NAAA: variants seen among roughly 807,000 people sequenced by gnomAD.
NAAA encodes N-acylethanolamine acid amidase.
Under a neutral mutation model 44.8 loss-of-function variants are expected in NAAA, and 39 were observed. That is an observed-to-expected ratio of 0.87 (90% confidence interval 0.67 to 1.14). The LOEUF is 1.14. Ranked by LOEUF, NAAA falls within the 50% of genes most tolerant of loss-of-function variation. The pLI is 0.00. For synonymous variants in NAAA, 178 were observed against 191.3 expected (o/e 0.93, Z 0.58); for missense variants, 460 against 467.8 (o/e 0.98, Z 0.15).
At chr4:75,930,535 A>G in intron 4 of NAAA, 1 of 514,988 alleles carries the variant, frequency 1.9e-6, no homozygotes, top group Non-Finnish European at 3.9e-6. Flanking sequence ...TGCTTTACAA[A>G]TGTGGCTTGT....
intron 9 of NAAA, among the ~76,000 whole-genome samples, chr4:75,918,151 G>A (rs1725802353): frequency 6.6e-6 from 1 of 152,124 alleles, no homozygotes; most frequent in Non-Finnish European, 1.5e-5. Context: ...GGCCAAGTTT[G>A]AATTTAAGAT....
chr4:75,940,283 CCA>C, intron 1 of NAAA, 118 bp from the exon 2 acceptor site: 1 of 1,128,014 alleles, frequency 8.9e-7, no homozygotes, highest in Non-Finnish European at 1.2e-6. Context: ...CCACTGCTCC[CCA>C]GTCAGTGGAC....
intron 5 of NAAA, among the ~76,000 whole-genome samples, chr4:75,924,485 G>C (rs574883372): frequency 6.6e-6 from 1 of 152,200 alleles, no homozygotes; most frequent in Non-Finnish European, 1.5e-5. Context: ...TTGACTGTGG[G>C]TAACAGAAAC....
At chr4:75,910,879 G>T (rs532983745), downstream of NAAA, among the ~76,000 whole-genome samples, 11 of 152,296 alleles carry the variant, frequency 7.2e-5, no homozygotes, top group East Asian at 2.1e-3. Flanking sequence ...AATCACCTGG[G>T]TGCACGTGGG....
chr4:75,917,236 G>T, intron 9 of NAAA: 1 of 253,576 alleles, frequency 3.9e-6, no homozygotes, highest in Non-Finnish European at 6.2e-6. Flanking sequence ...CCTACAGTCT[G>T]GTGAGGGCCA....
At position 75,936,182 on chromosome 4, in the gene NAAA, CG is replaced by C; in HGVS notation, c.424del (p.Arg142GlyfsTer14). On this transcript the variant is annotated frameshift_variant, in exon 3 of 11. Transcript: ENST00000286733. LOFTEE classifies it high-confidence loss of function. ...QDSRGHIYHG[R>X]NLDYPFGNVL... Reference sequence around the variant, plus strand: ...ATTCCCAAAAGGATAATCCAAATTCCGACCATGGTAAATGTGGCCTCTGGAG... The same window carrying C: ...ATTCCCAAAAGGATAATCCAAATTCCACCATGGTAAATGTGGCCTCTGGAG... 4 of 1,613,956 alleles carry C rather than the reference CG, an allele frequency of 2.5e-6. No individual in the cohort carries two copies.
At chr4:75,913,337 T>G (rs1725407403), downstream of NAAA, among the ~76,000 whole-genome samples, 1 of 151,954 alleles carries the variant, frequency 6.6e-6, no homozygotes, top group South Asian at 2.1e-4. Context: ...AAACCCTCTT[T>G]GGGAAAAGCA....
At chr4:75,911,332 C>T (rs1353611056), downstream of NAAA, 7 of 513,086 alleles carry the variant, frequency 1.4e-5, no homozygotes, top group Non-Finnish European at 2.7e-5. Flanking sequence ...CTGACAATCA[C>T]CTGATGGGTT....
chr4:75,915,014 A>T, intron 9 of NAAA, 29 bp from the exon 10 acceptor site: 1 of 1,502,822 alleles, frequency 6.7e-7, no homozygotes, highest in Non-Finnish European at 9.3e-7. Flanking sequence ...TTTTATGTAC[A>T]CATCATTTTC....
intron 5 of NAAA, among the ~76,000 whole-genome samples, chr4:75,923,568 C>A (rs1726375331): frequency 1.3e-5 from 2 of 150,490 alleles, no homozygotes; most frequent in African/African-American, 4.9e-5. Flanking sequence ...GAGACAGAGT[C>A]TTGCTGTGTC....
At position 75,925,755 on chromosome 4, in the gene NAAA, C is replaced by T. The variant is rs1266413062; in HGVS notation, c.646G>A (p.Val216Ile). 4.3e-6 allele frequency: 7 copies of T among 1,614,128 alleles called. No homozygotes were observed. The highest frequency in any genetic ancestry group is 1.6e-4 in the Middle Eastern group (1 of 6,062). The change falls in exon 5 of 11, where the codon GTC becomes ATC. Residue 216 changes from valine (V) to isoleucine (I), a missense_variant. Transcript: ENST00000286733. ...CTCACAGCGCGGATCAGCCAGCTGA[C>T]GGGAATGTGTCTCCGAAACAGGGCA... Reference protein sequence around the residue: ...IAALFRRHIPVSWLIRATLSE... With the variant: ...IAALFRRHIPISWLIRATLSE...
downstream of NAAA, among the ~76,000 whole-genome samples, chr4:75,913,075 C>T (rs903051008): frequency 6.6e-6 from 1 of 152,080 alleles, no homozygotes; most frequent in Non-Finnish European, 1.5e-5. Context: ...CCAAAACTGC[C>T]TTCCTTTTGT....
At chr4:75,926,336 G>T (rs556531376) in intron 4 of NAAA, among the ~76,000 whole-genome samples, 2 of 152,024 alleles carry the variant, frequency 1.3e-5, no homozygotes, top group East Asian at 3.9e-4. Flanking sequence ...CGAGGTGGGC[G>T]GATCCCCTGA....
At chr4:75,936,280 GAAAA>G (rs1560519442) in intron 2 of NAAA, 45 bp from the exon 3 acceptor site, 1 of 1,551,630 alleles carries the variant, frequency 6.4e-7, no homozygotes, top group Non-Finnish European at 8.7e-7. Context: ...AGACAAATAA[GAAAA>G]AAAAGGAAAA....
At chr4:75,937,798 G>T (rs1369359364) in intron 2 of NAAA, among the ~76,000 whole-genome samples, 4 of 152,180 alleles carry the variant, frequency 2.6e-5, no homozygotes, top group Non-Finnish European at 4.4e-5. Flanking sequence ...ACCCTCCAAG[G>T]TTTCTGAGCT....
chr4:75,927,373 A>T (rs1726796541), intron 4 of NAAA, among the ~76,000 whole-genome samples: 1 of 151,908 alleles, frequency 6.6e-6, no homozygotes, highest in South Asian at 2.1e-4. Flanking sequence ...TGAGCCTAGG[A>T]GATTGAGGCT....
At chr4:75,924,071 C>T (rs1299645368) in intron 5 of NAAA, among the ~76,000 whole-genome samples, 1 of 152,200 alleles carries the variant, frequency 6.6e-6, no homozygotes, top group Non-Finnish European at 1.5e-5. Flanking sequence ...GAAGCAGCAA[C>T]TCATTTTTTT....
intron 2 of NAAA, among the ~76,000 whole-genome samples, chr4:75,937,088 A>G (rs1302022462): frequency 1.3e-5 from 2 of 152,152 alleles, no homozygotes; most frequent in Non-Finnish European, 1.5e-5. Flanking sequence ...ATAATTGGGG[A>G]AAAAAGTGTT....
chr4:75,928,351 T>C (rs181588237), intron 4 of NAAA, among the ~76,000 whole-genome samples: 1 of 151,960 alleles, frequency 6.6e-6, no homozygotes, highest in Non-Finnish European at 1.5e-5. Flanking sequence ...GCAGTACAGG[T>C]GTGATGGGGG....
Sources: gnomAD v4.1 joint callset for allele counts (sites outside exome capture counted in the v4.1 genomes callset) on GRCh38, gnomAD v4.1.1 for gene constraint, MANE v1.5 for transcripts, NCBI Gene and HGNC (gene_info 2026-07-23, HGNC 2026-07-21) for gene names.